TMEM132D: variants seen among roughly 807,000 people sequenced by gnomAD.
The protein encoded by TMEM132D is transmembrane protein 132D, also known as mature OL transmembrane protein.
Under a neutral mutation model 62.3 loss-of-function variants are expected in TMEM132D, and 21 were observed. The observed-to-expected ratio is 0.34, with a 90% CI of 0.24 to 0.49. The LOEUF is 0.49. Ranked by LOEUF, TMEM132D falls within the 20% of genes least tolerant of loss-of-function variation. The pLI is 0.99. For synonymous variants in TMEM132D, 621 were observed against 575.6 expected, an observed-to-expected ratio of 1.08 and a Z score of -1.13; for missense variants, 1,346 against 1,402.8, an observed-to-expected ratio of 0.96 and a Z score of 0.65.
intron 5 of TMEM132D, among the ~76,000 whole-genome samples, chr12:129,123,973 G>A (rs1876138812): frequency 1.3e-5 from 2 of 152,268 alleles, no homozygotes; most frequent in African/African-American, 4.8e-5. Flanking sequence ...GCTGCAGAAG[G>A]AGGATCATGG....
chr12:129,739,019 T>C (rs1440675810), intron 1 of TMEM132D, among the ~76,000 whole-genome samples: 2 of 152,188 alleles, frequency 1.3e-5, no homozygotes, highest in Non-Finnish European at 2.9e-5. Flanking sequence ...GGCCAGAGAC[T>C]GTTCCATTCC....
intron 1 of TMEM132D, among the ~76,000 whole-genome samples, chr12:129,742,983 A>T (rs908015149): frequency 1.3e-5 from 2 of 152,262 alleles, no homozygotes; most frequent in Non-Finnish European, 2.9e-5. Context: ...GTCTAAATTG[A>T]CTGAAGATCC....
intron 1 of TMEM132D, among the ~76,000 whole-genome samples, chr12:129,880,761 G>A (rs1271151698): frequency 6.6e-6 from 1 of 152,012 alleles, no homozygotes; most frequent in East Asian, 1.9e-4. Flanking sequence ...ATAAAATAGA[G>A]TTATTAACCA....
intron 1 of TMEM132D, among the ~76,000 whole-genome samples, chr12:129,893,034 G>A (rs112360788): frequency 1.1e-4 from 17 of 152,102 alleles, no homozygotes; most frequent in Admixed American, 4.6e-4. Flanking sequence ...ATGGCACCAC[G>A]CCCAGCTAAT....
chr12:129,552,623 TA>T (rs60020663), intron 2 of TMEM132D, among the ~76,000 whole-genome samples: 21,903 of 152,112 alleles, frequency 0.14, 1,899 homozygotes, highest in Admixed American at 0.24. Flanking sequence ...ATCTATTATT[TA>T]TCTGTCATCT....
intron 3 of TMEM132D, among the ~76,000 whole-genome samples, chr12:129,485,734 C>T (rs762299064): frequency 8.5e-5 from 13 of 152,282 alleles, no homozygotes; most frequent in Non-Finnish European, 1.6e-4. Flanking sequence ...AGAGGTCAGC[C>T]GAGGCTGGTT....
At chr12:129,173,348 T>TAC (rs1312471305) in intron 5 of TMEM132D, among the ~76,000 whole-genome samples, 1 of 152,246 alleles carries the variant, frequency 6.6e-6, no homozygotes, top group Non-Finnish European at 1.5e-5. Flanking sequence ...AAAGATATGA[T>TAC]ACGTTGTACT....
chr12:129,898,578 G>A (rs769575124), intron 1 of TMEM132D, among the ~76,000 whole-genome samples: 3 of 152,186 alleles, frequency 2.0e-5, no homozygotes, highest in Non-Finnish European at 4.4e-5. Context: ...ATCCGGTAAC[G>A]CCAGCCCATC....
intron 1 of TMEM132D, among the ~76,000 whole-genome samples, chr12:129,834,347 C>T (rs957928255): frequency 2.6e-5 from 4 of 152,088 alleles, no homozygotes; most frequent in East Asian, 1.9e-4. Context: ...CCACCACCAT[C>T]GGGCCAGCAT....
At position 129,531,600 on chromosome 12, in the gene TMEM132D, A is replaced by G. The variant is rs79715977; in HGVS notation, c.969-395T>C. On this transcript the variant is annotated intron_variant, in intron 2 of 8. Coordinates refer to ENST00000422113, the MANE Select transcript of TMEM132D (RefSeq NM_133448.3). ...AAAGTAAAGACTGAAATAAGAACGC[A>G]CATTCATTGAATGTCTCCCAGTGCC... Among the ~76,000 whole-genome samples the G allele has an allele frequency of 4.1e-4, 63 of 152,330 alleles. No homozygotes were observed. In the East Asian group the frequency reaches 7.9e-3, roughly 19 times the overall value.
At chr12:129,396,682 G>A (rs954627319) in intron 3 of TMEM132D, among the ~76,000 whole-genome samples, 5 of 152,134 alleles carry the variant, frequency 3.3e-5, no homozygotes, top group Non-Finnish European at 7.3e-5. Context: ...AGAGACAGAA[G>A]TAAACCTGTG....
intron 3 of TMEM132D, among the ~76,000 whole-genome samples, chr12:129,369,312 C>T (rs545584573): frequency 1.6e-4 from 25 of 152,048 alleles, no homozygotes; most frequent in African/African-American, 4.6e-4. Context: ...CCTCCCTAAT[C>T]GATGATCCAC....
intron 5 of TMEM132D, among the ~76,000 whole-genome samples, chr12:129,096,721 C>T (rs566057013): frequency 1.1e-4 from 17 of 152,152 alleles, no homozygotes; most frequent in Non-Finnish European, 1.9e-4. Context: ...TGACATGGAA[C>T]AGGGATATTC....
intron 1 of TMEM132D, among the ~76,000 whole-genome samples, chr12:129,738,446 G>A (rs1869496306): frequency 6.6e-6 from 1 of 152,182 alleles, no homozygotes; most frequent in Non-Finnish European, 1.5e-5. Context: ...AAAAGAGGCT[G>A]GTTGTGTGAA....
At chr12:129,287,670 T>C (rs1206522857) in intron 4 of TMEM132D, among the ~76,000 whole-genome samples, 3 of 152,148 alleles carry the variant, frequency 2.0e-5, no homozygotes, top group Non-Finnish European at 2.9e-5. Context: ...TAACAGGACA[T>C]ATTGGCATCA....
intron 1 of TMEM132D, among the ~76,000 whole-genome samples, chr12:129,713,677 A>G (rs575593759): frequency 1.3e-5 from 2 of 152,268 alleles, no homozygotes. Flanking sequence ...AGTCCCAGCC[A>G]CCATCTGTGA....
intron 1 of TMEM132D, among the ~76,000 whole-genome samples, chr12:129,845,334 A>AT (rs2137348040): frequency 6.6e-6 from 1 of 152,330 alleles, no homozygotes; most frequent in African/African-American, 2.4e-5. Context: ...CTAAAGGCAG[A>AT]TAAAACCTGA....
At chr12:129,556,316 A>T (rs1877055966) in intron 2 of TMEM132D, among the ~76,000 whole-genome samples, 1 of 152,250 alleles carries the variant, frequency 6.6e-6, no homozygotes, top group African/African-American at 2.4e-5. Flanking sequence ...CACCCCTGCC[A>T]ACACCTGCCC....
intron 3 of TMEM132D, among the ~76,000 whole-genome samples, chr12:129,514,121 G>T (rs573016942): frequency 6.6e-6 from 1 of 151,966 alleles, no homozygotes. Context: ...TTACAGGCGT[G>T]AGCCACCGAG....
Sources: allele counts gnomAD v4.1 joint callset (sites outside exome capture counted in the v4.1 genomes callset), GRCh38; gene constraint gnomAD v4.1.1; transcripts MANE v1.5; gene names NCBI Gene and HGNC (gene_info 2026-07-23, HGNC 2026-07-21).